Variants in WWTR1 observed in about 807,000 individuals in gnomAD.
WWTR1 encodes WW domain containing transcription regulator 1, also known as WW domain-containing transcription regulator protein 1.
In WWTR1, 13 loss-of-function variants were observed where a neutral mutation model predicts 40.1. That is an observed-to-expected ratio of 0.32 (90% CI 0.21 to 0.52). WWTR1 has a LOEUF of 0.52. Among genes scored for constraint, WWTR1 ranks in the 20% least tolerant of loss-of-function variants. The pLI is 0.97. For missense variants in WWTR1, 436 were observed against 523.1 expected (o/e 0.83, Z 1.63); for synonymous variants, 230 against 210.1 (o/e 1.09, Z -0.82).
rs531056988 is a variant in WWTR1, at chr3:149,560,024, T to A, written c.568+12840A>T. Among the ~76,000 whole-genome samples, 11 of 152,342 alleles carry A rather than the reference T, an allele frequency of 7.2e-5. No individual in the cohort carries two copies. In the East Asian group the frequency reaches 1.3e-3, roughly 19 times the overall value. ...ATTGCAGGTTTTCTTGGGAAGGACC[T>A]GGGACACCAAGAGAGTTGACTGTCA... is the stretch of plus-strand genomic sequence containing the variant. On this transcript the variant is annotated intron_variant, in intron 3 of 6. Coordinates refer to ENST00000360632, the MANE Select transcript of WWTR1 (RefSeq NM_015472.6).
chr3:149,661,815 C>A (rs1403261949), upstream of WWTR1, among the ~76,000 whole-genome samples: 1 of 151,138 alleles, frequency 6.6e-6, no homozygotes, highest in African/African-American at 2.4e-5. Context: ...TCACCACAAC[C>A]TCCACCTCCC....
chr3:149,708,132 C>T (rs1043805743), upstream of WWTR1, among the ~76,000 whole-genome samples: 9 of 152,130 alleles, frequency 5.9e-5, no homozygotes, highest in African/African-American at 2.2e-4. Flanking sequence ...CGTACCTGGA[C>T]ATGTAAGTGA....
rs1370299725 is a variant in WWTR1, at chr3:149,610,912, G to A, written c.432-37912C>T. On this transcript the variant is annotated intron_variant, in intron 2 of 6. Coordinates refer to ENST00000360632, the MANE Select transcript of WWTR1 (RefSeq NM_015472.6). The stretch of plus-strand genomic sequence containing the variant: ...AATCCCAACACTTTGGGAGGCCAAG[G>A]TGGGAGGATCGCTTGAAGTCAGGAG... Among the ~76,000 whole-genome samples, 6 of 152,122 alleles carry A rather than the reference G, an allele frequency of 3.9e-5. No homozygotes were observed. In the East Asian group the frequency reaches 1.2e-3, roughly 29 times the overall value.
At position 149,542,385 on chromosome 3, in the gene WWTR1, G is replaced by T; in HGVS notation, c.721C>A (p.Gln241Lys). Residue 241 changes from glutamine to lysine, a missense_variant, in exon 4 of 7, where the codon CAG (glutamine) becomes AAG (lysine). Physicochemically the swap from Gln to Lys is moderately conservative, Grantham distance 53. Transcript: ENST00000360632. ...ATTCGAATCCTTTCTCTCTCCATCT[G>T]GATTCTCTGAAGCCGCAGTTTCTGC... ...QQQKLRLQRI[Q>K]MERERIRMRQ... is the part of the protein sequence containing the mutation. 6.2e-7 allele frequency: 1 copy of T among 1,614,064 alleles called. No homozygotes were observed. Among genetic ancestry groups the T allele is most frequent in the South Asian group, 1.1e-5 (1 of 91,058 alleles).
upstream of WWTR1, among the ~76,000 whole-genome samples, chr3:149,705,082 T>G (rs888900949): frequency 6.6e-6 from 1 of 152,012 alleles, no homozygotes; most frequent in African/African-American, 2.4e-5. Context: ...GTTTATATGA[T>G]AAAGTTGAGA....
At chr3:149,568,411 T>G (rs1737435606) in intron 3 of WWTR1, among the ~76,000 whole-genome samples, 1 of 151,810 alleles carries the variant, frequency 6.6e-6, no homozygotes, top group African/African-American at 2.4e-5. Context: ...TTAAAGGCCA[T>G]TACTCTGCTC....
upstream of WWTR1, among the ~76,000 whole-genome samples, chr3:149,704,753 GC>G (rs1488679871): frequency 6.6e-6 from 1 of 151,846 alleles, no homozygotes; most frequent in African/African-American, 2.4e-5. Flanking sequence ...GCACAGAGGT[GC>G]CCATTAGCTC....
chr3:149,608,724 T>C (rs1342291790), intron 2 of WWTR1, among the ~76,000 whole-genome samples: 2 of 151,358 alleles, frequency 1.3e-5, no homozygotes, highest in African/African-American at 4.9e-5. Flanking sequence ...GCAATAATTA[T>C]CAGAAGAAGA....
At chr3:149,692,370 T>C (rs1297303167) in intron 1 of WWTR1, among the ~76,000 whole-genome samples, 2 of 152,200 alleles carry the variant, frequency 1.3e-5, no homozygotes, top group East Asian at 1.9e-4. Flanking sequence ...AAGAATGTGA[T>C]ACATCATATC....
intron 4 of WWTR1, among the ~76,000 whole-genome samples, chr3:149,536,480 A>T (rs1175241409): frequency 6.9e-6 from 1 of 144,942 alleles, no homozygotes; most frequent in South Asian, 2.1e-4. Flanking sequence ...ACAAAAAAAA[A>T]AAGGGGGGGG....
intron 2 of WWTR1, among the ~76,000 whole-genome samples, chr3:149,654,895 G>C (rs1047275187): frequency 6.8e-6 from 1 of 147,798 alleles, no homozygotes; most frequent in African/African-American, 2.5e-5. Flanking sequence ...AGGCCGAGGC[G>C]GGCAGATCAC....
At position 149,657,806 on chromosome 3, in the gene WWTR1, C is replaced by A. The variant is rs1460422593; in HGVS notation, c.-45G>T. The A allele has an allele frequency of 6.4e-6, 1 of 156,390 alleles. No individual in the cohort carries two copies. Among genetic ancestry groups the A allele is most frequent in the East Asian group, 1.9e-4 (1 of 5,236 alleles). 9.7% of individuals were successfully genotyped at this position (156,390 alleles called of 1,614,324 possible). A position where few individuals can be genotyped will look rare whatever the true frequency, so the allele number is the denominator to read the frequency against. On this transcript the variant is annotated 5_prime_UTR_variant, in exon 1 of 7. Transcript: ENST00000360632. ...GCTGAGCCTGAGCGCGCGGCGGCCG[C>A]CGTCCCGCCCGAACTTGCCGTCGGG...
At chr3:149,655,485 T>C (rs1487016761) in intron 2 of WWTR1, among the ~76,000 whole-genome samples, 1 of 152,182 alleles carries the variant, frequency 6.6e-6, no homozygotes, top group Non-Finnish European at 1.5e-5. Context: ...ACAAAAGTCA[T>C]GTTATTACAT....
intron 3 of WWTR1, among the ~76,000 whole-genome samples, chr3:149,553,514 C>CAA (rs879597745): frequency 6.9e-6 from 1 of 145,086 alleles, no homozygotes; most frequent in Non-Finnish European, 1.5e-5. Context: ...TTCAATCCTC[C>CAA]AAAAAAAAAA....
At chr3:149,542,806 G>T (rs964447944) in intron 3 of WWTR1, among the ~76,000 whole-genome samples, 1 of 152,084 alleles carries the variant, frequency 6.6e-6, no homozygotes, top group Non-Finnish European at 1.5e-5. Flanking sequence ...TACATTTTAA[G>T]CCTTACATAG....
intron 2 of WWTR1, among the ~76,000 whole-genome samples, chr3:149,595,442 T>A (rs1738952987): frequency 1.3e-5 from 2 of 152,204 alleles, no homozygotes. Context: ...TCTTCTTTTT[T>A]AGAGGCAACT....
At chr3:149,542,902 G>GTGCA (rs1190054926) in intron 3 of WWTR1, among the ~76,000 whole-genome samples, 1 of 152,172 alleles carries the variant, frequency 6.6e-6, no homozygotes, top group Admixed American at 6.5e-5. Flanking sequence ...GTGTGTGTGT[G>GTGCA]TGCATGTGTA....
At chr3:149,584,514 G>T (rs541996085) in intron 2 of WWTR1, among the ~76,000 whole-genome samples, 11 of 152,154 alleles carry the variant, frequency 7.2e-5, no homozygotes, top group African/African-American at 2.2e-4. Context: ...TCAGAGTGAG[G>T]TTCCCATTTT....
intron 2 of WWTR1, among the ~76,000 whole-genome samples, chr3:149,624,761 G>A (rs918333835): frequency 3.3e-5 from 5 of 151,934 alleles, no homozygotes; most frequent in African/African-American, 9.7e-5. Flanking sequence ...GTGCAGTGGC[G>A]TGACCTCGGC....
Sources: allele counts gnomAD v4.1 joint callset (sites outside exome capture counted in the v4.1 genomes callset), GRCh38; gene constraint gnomAD v4.1.1; transcripts MANE v1.5; gene names NCBI Gene and HGNC (gene_info 2026-07-23, HGNC 2026-07-21).